TXNL4B: variants seen among roughly 807,000 people sequenced by gnomAD.
TXNL4B encodes thioredoxin-like protein 4B.
A neutral mutation model predicts 13.0 loss-of-function variants in TXNL4B; 12 were observed. That is an observed-to-expected ratio of 0.92 (90% CI 0.59 to 1.49). The LOEUF is 1.49. TXNL4B is among the 40% of genes most tolerant of loss of function. TXNL4B has a pLI of 0.00. For synonymous variants in TXNL4B, 59 were observed against 58.9 expected (o/e 1.00, Z -0.01); for missense variants, 214 against 173.6 (o/e 1.23, Z -1.31).
At chr16:72,090,521 C>A in intron 2 of TXNL4B, 97 bp downstream of exon 2, 1 of 1,311,836 alleles carries the variant, frequency 7.6e-7, no homozygotes, top group Non-Finnish European at 1.1e-6. Context: ...CAGCTATATA[C>A]CCAACCCTGA....
rs2041863426 is a variant in TXNL4B at position 72,089,031 on chromosome 16, A to G, written c.240T>C (p.Ser80=). 3 of 1,611,302 alleles carry G rather than the reference A, an allele frequency of 1.9e-6. No individual in the cohort carries two copies. The highest frequency in any genetic ancestry group is 2.5e-6 in the Non-Finnish European group (3 of 1,177,980). The change falls in exon 3 of 4, where the codon TCT becomes TCC. Residue 80 remains serine (S), a synonymous_variant. Coordinates refer to ENST00000268483, the MANE Select transcript of TXNL4B (RefSeq NM_017853.3). ...GCTGCCCATTGAAGAAAAAGACAGT[A>G]GATGGAATATAACTGATGTCAAAAT... ...TQYFDISYIP[S]TVFFFNGQHM... is the part of the protein sequence containing the mutation.
intron 1 of TXNL4B, among the ~76,000 whole-genome samples, chr16:72,092,505 T>C (rs1017806077): frequency 3.3e-5 from 5 of 152,020 alleles, no homozygotes; most frequent in African/African-American, 9.7e-5. Context: ...AACAGGGACA[T>C]TGATGGCCCA....
chr16:72,090,234 A>T (rs1259373683), intron 2 of TXNL4B: 5 of 459,098 alleles, frequency 1.1e-5, no homozygotes, highest in Non-Finnish European at 1.7e-5. Flanking sequence ...ACTCTGCAAT[A>T]TAGTGGATCT....
intron 3 of TXNL4B, among the ~76,000 whole-genome samples, chr16:72,088,126 G>A (rs1567596564): frequency 6.6e-6 from 1 of 151,864 alleles, no homozygotes; most frequent in Non-Finnish European, 1.5e-5. Flanking sequence ...GCCATGCCTG[G>A]CTAATTTTTG....
At chr16:72,090,146 C>T (rs930194943) in intron 2 of TXNL4B, 5 of 456,008 alleles carry the variant, frequency 1.1e-5, no homozygotes, top group African/African-American at 4.0e-5. Flanking sequence ...TTAGGTCTCT[C>T]TCTGCATCAG....
chr16:72,088,625 A>G (rs1314777864), intron 3 of TXNL4B, among the ~76,000 whole-genome samples: 1 of 152,234 alleles, frequency 6.6e-6, no homozygotes, highest in African/African-American at 2.4e-5. Flanking sequence ...TTCAAATGAA[A>G]TTCCTGGGAA....
chr16:72,089,505 C>CA (rs2041871000), intron 2 of TXNL4B, among the ~76,000 whole-genome samples: 1 of 152,248 alleles, frequency 6.6e-6, no homozygotes, highest in African/African-American at 2.4e-5. Flanking sequence ...CTCTACCCGC[C>CA]ATTTCTACTG....
At position 72,090,721 on chromosome 16, in the gene TXNL4B, C is replaced by T; in HGVS notation, c.29G>A (p.Ser10Asn). ...TATCGCCTGGTCTACTTCCTTTTTG[C>T]TAGTCAGCTTGGGCAGTAGGAAGCT... MSFLLPKLT[S>N]KKEVDQAIKS... Residue 10 changes from serine (S) to asparagine (N), a missense_variant, in exon 2 of 4, where the codon AGC becomes AAC. Physicochemically the swap from Ser to Asn is conservative, Grantham distance 46. Transcript: ENST00000268483. 1 of 1,614,146 alleles carries T rather than the reference C, an allele frequency of 6.2e-7. No individual in the cohort carries two copies. Among genetic ancestry groups the T allele is most frequent in the Non-Finnish European group, 8.5e-7 (1 of 1,180,036 alleles).
chr16:72,090,633 C>T lies in TXNL4B; in HGVS notation c.117G>A (p.Leu39=). 1 of 1,613,994 alleles carries T rather than the reference C, an allele frequency of 6.2e-7. No homozygotes were observed. Among genetic ancestry groups the T allele is most frequent in the Non-Finnish European group, 8.5e-7 (1 of 1,179,958 alleles). The change falls in exon 2 of 4, where the codon CTG becomes CTA. Residue 39 remains leucine, a synonymous_variant. Coordinates refer to ENST00000268483, the MANE Select transcript of TXNL4B (RefSeq NM_017853.3). ...RFGRDEDPVC[L]QLDDILSKTS... ...ATTCACTTACAATATCATCTAGCTGCAGACAGACAGGATCTTCATCTCTCC... is the reference window on the plus strand; with the variant it reads ...ATTCACTTACAATATCATCTAGCTGTAGACAGACAGGATCTTCATCTCTCC...
At position 72,089,062 on chromosome 16, in the gene TXNL4B, G is replaced by C; in HGVS notation, c.209C>G (p.Thr70Arg). The C allele has an allele frequency of 1.9e-6, 3 of 1,610,538 alleles. No individual in the cohort carries two copies. Among genetic ancestry groups the C allele is most frequent in the Non-Finnish European group, 2.5e-6 (3 of 1,176,834 alleles). The change falls in exon 3 of 4, where the codon ACA becomes AGA. Residue 70 changes from threonine (T) to arginine (R), a missense_variant. Transcript: ENST00000268483. ...LVDVDQTAVYTQYFDISYIPS... is the reference protein window; with the variant it reads ...LVDVDQTAVYRQYFDISYIPS... Reference sequence around the variant, plus strand: ...AATATAACTGATGTCAAAATACTGTGTATAAACTGCAGTTTGGTCCACATC... The same window carrying C: ...AATATAACTGATGTCAAAATACTGTCTATAAACTGCAGTTTGGTCCACATC...
chr16:72,087,943 C>T (rs1033598806), intron 3 of TXNL4B, among the ~76,000 whole-genome samples: 3 of 152,200 alleles, frequency 2.0e-5, no homozygotes, highest in African/African-American at 7.2e-5. Flanking sequence ...CCTCAGCCTC[C>T]AGAGTAGCCG....
Position 72,086,713 on chromosome 16 carries a change from C to T in TXNL4B, c.374G>A (p.Arg125Lys), listed in dbSNP as rs756805773. Reference protein sequence around the residue: ...LIEVIYRGAMRGKLIVQSPID... With the variant: ...LIEVIYRGAMKGKLIVQSPID... ...AGGACTTTGGACAATAAGCTTCCCC[C>T]TCATTGCTCCTCGATAGATTACTTC... is the stretch of plus-strand genomic sequence containing the variant. The change falls in exon 4 of 4, where the codon AGG becomes AAG. Residue 125 changes from arginine to lysine, a missense_variant. Physicochemically the swap from Arg to Lys is conservative, Grantham distance 26. Transcript: ENST00000268483. The T allele has an allele frequency of 1.9e-6, 3 of 1,613,950 alleles. No homozygotes were observed. The highest frequency in any genetic ancestry group is 2.5e-6 in the Non-Finnish European group (3 of 1,179,832).
chr16:72,089,700 C>T (rs2041874420), intron 2 of TXNL4B, among the ~76,000 whole-genome samples: 1 of 152,212 alleles, frequency 6.6e-6, no homozygotes, highest in Non-Finnish European at 1.5e-5. Context: ...CCTCCCAATC[C>T]TCCCAGAAAT....
At chr16:72,087,106 T>C (rs1247093411) in intron 3 of TXNL4B, among the ~76,000 whole-genome samples, 1 of 152,240 alleles carries the variant, frequency 6.6e-6, no homozygotes, top group Non-Finnish European at 1.5e-5. Context: ...TCACCAAGTG[T>C]TGGAGTGCAC....
chr16:72,090,830 C>A (rs182754970), intron 1 of TXNL4B, 44 bp from the exon 2 acceptor site: 1 of 1,512,572 alleles, frequency 6.6e-7, no homozygotes, highest in Non-Finnish European at 9.0e-7. Context: ...AGATTAAGTG[C>A]GTGAGCCCTC....
chr16:72,090,888 G>A (rs146137507), intron 1 of TXNL4B, 102 bp from the exon 2 acceptor site: 10,626 of 919,052 alleles, frequency 0.012, 104 homozygotes, highest in Middle Eastern at 0.034. Flanking sequence ...CACATGGTAT[G>A]AAAGAAACAT....
chr16:72,089,425 T>C (rs1230981673), intron 2 of TXNL4B, among the ~76,000 whole-genome samples: 2 of 152,140 alleles, frequency 1.3e-5, no homozygotes, highest in East Asian at 1.9e-4. Flanking sequence ...TGTGTGAGTT[T>C]AGGAGGGTGA....
At chr16:72,090,817 TTTAGA>T in intron 1 of TXNL4B, 31 bp from the exon 2 acceptor site, 2 of 1,590,878 alleles carry the variant, frequency 1.3e-6, no homozygotes, top group Non-Finnish European at 1.7e-6. Context: ...TTAAAGACAG[TTTAGA>T]TTAAGTGCGT....
In TXNL4B at chr16:72,093,582, T is replaced by A. The variant is rs190673179; in HGVS notation, c.-253A>T. 1.8e-4 allele frequency: 28 copies of A among 152,248 alleles called. No individual in the cohort carries two copies. Among genetic ancestry groups the A allele is most frequent in the Non-Finnish European group, 3.5e-4 (24 of 68,040 alleles). 9.4% of individuals were successfully genotyped at this position (152,248 alleles called of 1,614,324 possible). A position where few individuals can be genotyped will look rare whatever the true frequency, so the allele number is the denominator to read the frequency against. ...CGCACAAGCGCAGAAAAGAAACTCC[T>A]GGCCGTCGGTCGGCCCCCGCTCAAC... On this transcript the variant is annotated 5_prime_UTR_variant, in exon 1 of 4. Transcript: ENST00000268483.
Sources: gnomAD v4.1 joint callset for allele counts (sites outside exome capture counted in the v4.1 genomes callset) on GRCh38, gnomAD v4.1.1 for gene constraint, MANE v1.5 for transcripts, NCBI Gene and HGNC (gene_info 2026-07-23, HGNC 2026-07-21) for gene names.